The following RBFOX1 variants were observed in gnomAD, a reference collection of about 807,000 sequenced individuals.
The protein encoded by RBFOX1 is RNA binding protein fox-1 homolog 1.
Under a neutral mutation model 57.7 loss-of-function variants are expected in RBFOX1, and 8 were observed. The ratio of observed to expected loss-of-function variants is 0.14; its 90% CI spans 0.08 to 0.25. RBFOX1 has a LOEUF of 0.25. Ranked by LOEUF, RBFOX1 falls within the 10% of genes least tolerant of loss-of-function variation. The pLI is 1.00. For missense variants in RBFOX1, 611 were observed against 548.5 expected (o/e 1.11, Z -1.14); for synonymous variants, 326 against 222.4 (o/e 1.47, Z -4.15).
At chr16:5,632,560 T>C (rs1263704036) in intron 3 of RBFOX1, 1 of 152,222 alleles carries the variant, frequency 6.6e-6, no homozygotes, top group Non-Finnish European at 1.5e-5. Flanking sequence ...TTTGGCTTCA[T>C]GTAATTACAC....
intron 4 of RBFOX1, among the ~76,000 whole-genome samples, chr16:7,208,003 A>C (rs963533438): frequency 2.6e-5 from 4 of 152,094 alleles, no homozygotes; most frequent in Non-Finnish European, 1.5e-5. Flanking sequence ...TCTTTTTTCC[A>C]TCACTCACTG....
At chr16:6,819,733 A>AAAAAAAAAAAAC (rs2090924910) in intron 3 of RBFOX1, among the ~76,000 whole-genome samples, 1 of 77,296 alleles carries the variant, frequency 1.3e-5, no homozygotes, top group African/African-American at 4.8e-5. Flanking sequence ...AAAAAAAAAT[A>AAAAAAAAAAAAC]ACAACACCAA....
At chr16:6,955,864 C>A (rs902598993) in intron 3 of RBFOX1, among the ~76,000 whole-genome samples, 1 of 152,018 alleles carries the variant, frequency 6.6e-6, no homozygotes, top group Non-Finnish European at 1.5e-5. Context: ...TGCCACCATG[C>A]TCAGCTAAAT....
intron 2 of RBFOX1, among the ~76,000 whole-genome samples, chr16:6,354,495 G>T (rs2086940451): frequency 6.6e-6 from 1 of 152,112 alleles, no homozygotes; most frequent in Non-Finnish European, 1.5e-5. Flanking sequence ...GTCCCTGACT[G>T]ATAGCTTCAG....
At chr16:5,752,877 A>G (rs2053260861) in intron 3 of RBFOX1, among the ~76,000 whole-genome samples, 2 of 152,190 alleles carry the variant, frequency 1.3e-5, no homozygotes, top group South Asian at 2.1e-4. Context: ...CACCCAGAAC[A>G]TTGTACAAAA....
chr16:7,672,952 A>C (rs1409713655), intron 13 of RBFOX1, among the ~76,000 whole-genome samples: 1 of 150,578 alleles, frequency 6.6e-6, no homozygotes, highest in African/African-American at 2.4e-5. Flanking sequence ...AGTATTATAT[A>C]GTAAATAAGA....
intron 4 of RBFOX1, among the ~76,000 whole-genome samples, chr16:7,269,569 C>A (rs1436832951): frequency 6.6e-6 from 1 of 152,006 alleles, no homozygotes; most frequent in African/African-American, 2.4e-5. Context: ...AAAATGTGAA[C>A]ATTTTACCAT....
intron 1 of RBFOX1, among the ~76,000 whole-genome samples, chr16:6,255,138 TGGATTAGAAG>T (rs1183771841): frequency 6.6e-6 from 1 of 152,116 alleles, no homozygotes; most frequent in African/African-American, 2.4e-5. Flanking sequence ...AGAAAGTCTG[TGGATTAGAAG>T]GGTGGTGAGA....
chr16:5,257,035 C>G (rs1047595481), intron 1 of RBFOX1, among the ~76,000 whole-genome samples: 2 of 152,052 alleles, frequency 1.3e-5, no homozygotes, highest in Non-Finnish European at 2.9e-5. Flanking sequence ...ACAGGGAAAT[C>G]TAAGGAAGGT....
At chr16:6,838,533 C>T (rs555293690) in intron 3 of RBFOX1, among the ~76,000 whole-genome samples, 1 of 152,316 alleles carries the variant, frequency 6.6e-6, no homozygotes, top group African/African-American at 2.4e-5. Flanking sequence ...TGCAAAACTG[C>T]TTCTGAGCTG....
chr16:5,953,725 T>A (rs1014813905), intron 4 of RBFOX1, among the ~76,000 whole-genome samples: 1 of 149,028 alleles, frequency 6.7e-6, no homozygotes, highest in Non-Finnish European at 1.5e-5. Context: ...TATATATATA[T>A]AAAAAACACA....
intron 3 of RBFOX1, among the ~76,000 whole-genome samples, chr16:6,856,165 C>T (rs552501189): frequency 6.6e-6 from 1 of 151,146 alleles, no homozygotes; most frequent in African/African-American, 2.5e-5. Context: ...TCCTTGCTTC[C>T]TTTCCTTCCC....
intron 4 of RBFOX1, among the ~76,000 whole-genome samples, chr16:7,085,924 G>C (rs2059919231): frequency 6.6e-6 from 1 of 152,158 alleles, no homozygotes; most frequent in South Asian, 2.1e-4. Context: ...GATGCTCTGT[G>C]CTGTGATTCA....
Position 6,771,585 on chromosome 16 carries a change from AG to A in RBFOX1, c.-16+116936del, listed in dbSNP as rs367971430. Among the ~76,000 whole-genome samples, 16 of 152,334 alleles carry A rather than the reference AG, an allele frequency of 1.1e-4. 1 individual carries two copies. In the East Asian group the frequency reaches 2.5e-3, roughly 24 times the overall value. On this transcript the variant is annotated intron_variant, in intron 3 of 15. Coordinates refer to ENST00000550418, the MANE Select transcript of RBFOX1 (RefSeq NM_018723.4). ...TTCTCAGATATGATGCAGATAGTAT[AG>A]AGAGCTTTCTGATGCCTAACTCAGC...
rs1350835329 is a variant in RBFOX1, at chr16:7,409,480, G to T, written c.28-108667G>T. On this transcript the variant is annotated intron_variant, in intron 4 of 15. Transcript: ENST00000550418. The stretch of plus-strand genomic sequence containing the variant: ...CACAGAATGCAGAAAACAGCACAGG[G>T]CTCCTGAACACAATTCTATTAGAAA... 3.3e-5 allele frequency among the ~76,000 whole-genome samples: 5 copies of T among 152,168 alleles called. No homozygotes were observed. The South Asian group carries it at 8.3e-4, about 25-fold the overall frequency.
chr16:7,636,387 C>G (rs1455740689), intron 11 of RBFOX1, among the ~76,000 whole-genome samples: 1 of 152,188 alleles, frequency 6.6e-6, no homozygotes, highest in Non-Finnish European at 1.5e-5. Flanking sequence ...CTTTGAATTT[C>G]CAGTATACAT....
intron 4 of RBFOX1, among the ~76,000 whole-genome samples, chr16:7,372,235 C>G (rs764881814): frequency 7.9e-5 from 12 of 152,090 alleles, no homozygotes; most frequent in Non-Finnish European, 1.6e-4. Context: ...GGCCTCGGAG[C>G]TGGAGTTCAC....
intron 4 of RBFOX1, among the ~76,000 whole-genome samples, chr16:7,134,416 C>T (rs763322466): frequency 4.6e-5 from 7 of 152,186 alleles, no homozygotes; most frequent in Admixed American, 2.6e-4. Flanking sequence ...CTTCTTCAGG[C>T]ATTGAGGATG....
At chr16:7,052,435 C>G (rs2050421641) in intron 4 of RBFOX1, among the ~76,000 whole-genome samples, 1 of 152,170 alleles carries the variant, frequency 6.6e-6, no homozygotes, top group Non-Finnish European at 1.5e-5. Flanking sequence ...TGGCTGCCTT[C>G]TTAATATGAA....
Sources: gnomAD v4.1 joint callset for allele counts (sites outside exome capture counted in the v4.1 genomes callset) on GRCh38, gnomAD v4.1.1 for gene constraint, MANE v1.5 for transcripts, NCBI Gene and HGNC (gene_info 2026-07-23, HGNC 2026-07-21) for gene names.